The following ADAMTS14 variants were observed in gnomAD, a reference collection of about 807,000 sequenced individuals.
The protein encoded by ADAMTS14 is A disintegrin and metalloproteinase with thrombospondin motifs 14.
Under a neutral mutation model 128.6 loss-of-function variants are expected in ADAMTS14, and 100 were observed. The observed-to-expected ratio is 0.78, with a 90% CI of 0.66 to 0.92. ADAMTS14 has a LOEUF of 0.92. ADAMTS14 is among the 40% of genes least tolerant of loss of function. The probability of loss-of-function intolerance (pLI) is 0.00; values close to 1 mark genes in which losing one functional copy is unlikely to be tolerated. For missense variants in ADAMTS14, 1,562 were observed against 1,658.6 expected (o/e 0.94, Z 1.01); for synonymous variants, 665 against 653.8 (o/e 1.02, Z -0.26).
At chr10:70,680,844 G>C (rs571039059) in intron 2 of ADAMTS14, among the ~76,000 whole-genome samples, 1 of 152,320 alleles carries the variant, frequency 6.6e-6, no homozygotes, top group African/African-American at 2.4e-5. Flanking sequence ...GTTTCACCAT[G>C]TTGGCCACAC....
rs773349942 is a variant in ADAMTS14, at chr10:70,733,971, C to T, written c.1295C>T (p.Ala432Val). Residue 432 changes from alanine (A) to valine (V), a missense_variant, in exon 8 of 22, where the codon GCC becomes GTC. Transcript: ENST00000373207. ...GTCATGGCGCCCCTGGTGCAGGCTG[C>T]CTTCCACCGCTTCCATTGGTCCCGC... ...GSVMAPLVQA[A>V]FHRFHWSRCS... The T allele has an allele frequency of 6.2e-7, 1 of 1,613,850 alleles. No individual in the cohort carries two copies. Among genetic ancestry groups the T allele is most frequent in the Non-Finnish European group, 8.5e-7 (1 of 1,179,986 alleles).
intron 4 of ADAMTS14, among the ~76,000 whole-genome samples, chr10:70,720,282 G>C (rs1336894261): frequency 6.6e-6 from 1 of 152,220 alleles, no homozygotes; most frequent in Non-Finnish European, 1.5e-5. Context: ...AGGGAAGATG[G>C]AGCAGCTGAG....
chr10:70,702,933 G>A (rs113870269), intron 3 of ADAMTS14, among the ~76,000 whole-genome samples: 2 of 152,272 alleles, frequency 1.3e-5, no homozygotes, highest in African/African-American at 4.8e-5. Flanking sequence ...CTTCAAGTCT[G>A]TCTACTGTGT....
Position 70,760,998 on chromosome 10 carries a change from C to T in ADAMTS14, c.*145C>T. 5.8e-6 allele frequency: 7 copies of T among 1,197,990 alleles called. No homozygotes were observed. The highest frequency in any genetic ancestry group is 7.8e-6 in the Non-Finnish European group (7 of 896,276). 74.2% of individuals were successfully genotyped at this position (1,197,990 alleles called of 1,614,324 possible). A position where few individuals can be genotyped will look rare whatever the true frequency, so the allele number is the denominator to read the frequency against. On this transcript the variant is annotated 3_prime_UTR_variant, in exon 22 of 22. Coordinates refer to ENST00000373207, the MANE Select transcript of ADAMTS14 (RefSeq NM_080722.4). ...CTTCTTCTCGTTTGGGGCTGTGATG[C>T]TCTTTACCCCACAAAGCGGGGTGGG...
At chr10:70,700,799 G>A (rs151311384) in intron 2 of ADAMTS14, among the ~76,000 whole-genome samples, 24 of 152,288 alleles carry the variant, frequency 1.6e-4, no homozygotes, top group Non-Finnish European at 3.1e-4. Flanking sequence ...TCGGCTCTTG[G>A]GCCTATTTTT....
intron 2 of ADAMTS14, among the ~76,000 whole-genome samples, chr10:70,677,722 A>G (rs963329870): frequency 6.6e-6 from 1 of 152,146 alleles, no homozygotes; most frequent in South Asian, 2.1e-4. Context: ...GTACTCCCTG[A>G]CTGCCTTCCA....
intron 8 of ADAMTS14, among the ~76,000 whole-genome samples, chr10:70,734,402 T>C (rs16927852): frequency 0.19 from 29,392 of 152,032 alleles, 3,827 homozygotes; most frequent in African/African-American, 0.35. Flanking sequence ...CTTGGGGCTC[T>C]AAACCCAGTG....
At chr10:70,732,498 C>A (rs1456183823) in intron 7 of ADAMTS14, 139 bp downstream of exon 7, 4 of 720,118 alleles carry the variant, frequency 5.6e-6, no homozygotes, top group East Asian at 2.7e-5. Context: ...ACTGCCACTG[C>A]GGCATGGCCT....
Position 70,708,705 on chromosome 10 carries a change from T to C in ADAMTS14, c.797T>C (p.Val266Ala). 2 of 1,612,972 alleles carry C rather than the reference T, an allele frequency of 1.2e-6. No individual in the cohort carries two copies. Among genetic ancestry groups the C allele is most frequent in the Non-Finnish European group, 1.7e-6 (2 of 1,179,658 alleles). ...PGSYSIEVLL[V>A]VDDSVVRFHG... ...AGCTACAGCATCGAGGTGCTGCTGG[T>C]GGTGGACGACTCGGTGGTTCGCTTC... Residue 266 changes from valine (V) to alanine (A), a missense_variant, in exon 4 of 22, where the codon GTG (valine) becomes GCG (alanine). Physicochemically the swap from Val to Ala is moderately conservative, Grantham distance 64. Transcript: ENST00000373207.
Position 70,749,462 on chromosome 10 carries a change from C to G in ADAMTS14, c.2264-360C>G, listed in dbSNP as rs1489066383. Among the ~76,000 whole-genome samples the G allele has an allele frequency of 5.3e-5, 8 of 152,302 alleles. No homozygotes were observed. In the South Asian group the frequency reaches 1.0e-3, roughly 20 times the overall value. ...AGAAATTCTAGGGAGGGCAGAATCCCTGAGGACTGGGCAACCAAAGAAGAC... is the reference window on the plus strand; with the variant it reads ...AGAAATTCTAGGGAGGGCAGAATCCGTGAGGACTGGGCAACCAAAGAAGAC... On this transcript the variant is annotated intron_variant, in intron 15 of 21. Transcript: ENST00000373207.
At chr10:70,673,444 C>T (rs537307443) in intron 1 of ADAMTS14, among the ~76,000 whole-genome samples, 1 of 143,750 alleles carries the variant, frequency 7.0e-6, no homozygotes, top group South Asian at 2.4e-4. Context: ...TGCATACAGA[C>T]CAGATACACT....
intron 7 of ADAMTS14, among the ~76,000 whole-genome samples, chr10:70,733,643 G>A (rs1352281410): frequency 6.6e-6 from 1 of 152,206 alleles, no homozygotes; most frequent in Admixed American, 6.5e-5. Context: ...AGGGGTGGGT[G>A]TCTGGGAGTG....
chr10:70,674,610 C>A lies in ADAMTS14; in HGVS notation c.137C>A (p.Thr46Lys). The A allele has an allele frequency of 1.2e-6, 2 of 1,614,034 alleles. No homozygotes were observed. Among genetic ancestry groups the A allele is most frequent in the Non-Finnish European group, 1.7e-6 (2 of 1,180,036 alleles). The change falls in exon 2 of 22, where the codon ACA (threonine) becomes AAA (lysine). Residue 46 changes from threonine to lysine, a missense_variant. Coordinates refer to ENST00000373207, the MANE Select transcript of ADAMTS14 (RefSeq NM_080722.4). Reference sequence around the variant, plus strand: ...TATGGTGTGACAGTGCCCTGCAGCACAGACTTTCGGGGACGCTTCCTCTCC... The same window carrying A: ...TATGGTGTGACAGTGCCCTGCAGCAAAGACTTTCGGGGACGCTTCCTCTCC... ...SDYGVTVPCS[T>K]DFRGRFLSHV...
At chr10:70,686,313 T>C (rs1225309827) in intron 2 of ADAMTS14, among the ~76,000 whole-genome samples, 3 of 138,394 alleles carry the variant, frequency 2.2e-5, no homozygotes, top group Admixed American at 7.3e-5. Context: ...TTATTGATAA[T>C]TCTTGGGTGT....
intron 3 of ADAMTS14, among the ~76,000 whole-genome samples, chr10:70,707,743 A>G (rs986386907): frequency 6.6e-5 from 10 of 152,210 alleles, no homozygotes; most frequent in Non-Finnish European, 1.0e-4. Flanking sequence ...GTTGTTGTAA[A>G]GATTAGACTA....
chr10:70,743,913 G>A (rs1435179339), intron 13 of ADAMTS14, among the ~76,000 whole-genome samples, 153 bp from the exon 14 acceptor site: 1 of 152,186 alleles, frequency 6.6e-6, no homozygotes, highest in Non-Finnish European at 1.5e-5. Flanking sequence ...CCTCACCCAG[G>A]TCCCACGGTG....
Position 70,725,490 on chromosome 10 carries a change from A to G in ADAMTS14, c.871-3804A>G, listed in dbSNP as rs191766225. Among the ~76,000 whole-genome samples, 34 of 152,308 alleles carry G rather than the reference A, an allele frequency of 2.2e-4. 1 individual carries two copies. In the East Asian group the frequency reaches 6.4e-3, roughly 28 times the overall value. On this transcript the variant is annotated intron_variant, in intron 4 of 21. Transcript: ENST00000373207. The stretch of plus-strand genomic sequence containing the variant: ...TCTGGAGGCTGGGAAGTCCAAGATC[A>G]GGGCACCAGCAGATTTGGTGACTGG...
intron 4 of ADAMTS14, among the ~76,000 whole-genome samples, chr10:70,714,432 T>G (rs1840959236): frequency 6.6e-6 from 1 of 152,186 alleles, no homozygotes; most frequent in Non-Finnish European, 1.5e-5. Flanking sequence ...CTGTGTCCAC[T>G]CCAGAGCTCA....
In ADAMTS14 at chr10:70,735,263, C is replaced by T. The variant is rs755319194; in HGVS notation, c.1447C>T (p.Arg483Cys). The T allele has an allele frequency of 1.5e-5, 25 of 1,613,876 alleles. No individual in the cohort carries two copies. The highest frequency in any genetic ancestry group is 1.5e-4 in the Admixed American group (9 of 59,980). ...GINYSMDEQC[R>C]FDFGSGYQTC... Reference sequence around the variant, plus strand: ...CAACTACTCAATGGATGAGCAGTGCCGCTTTGACTTTGGCAGTGGCTACCA... The same window carrying T: ...CAACTACTCAATGGATGAGCAGTGCTGCTTTGACTTTGGCAGTGGCTACCA... The change falls in exon 9 of 22, where the codon CGC becomes TGC. Residue 483 changes from arginine (R) to cysteine (C), a missense_variant. Physicochemically the swap from Arg to Cys is radical, Grantham distance 180. Coordinates refer to ENST00000373207, the MANE Select transcript of ADAMTS14 (RefSeq NM_080722.4).
Sources: allele counts gnomAD v4.1 joint callset (sites outside exome capture counted in the v4.1 genomes callset), GRCh38; gene constraint gnomAD v4.1.1; transcripts MANE v1.5; gene names NCBI Gene and HGNC (gene_info 2026-07-23, HGNC 2026-07-21).